The following MCOLN2 variants were observed in gnomAD, a reference collection of about 807,000 sequenced individuals.
MCOLN2 encodes the protein mucolipin TRP cation channel 2.
Under a neutral mutation model 67.5 loss-of-function variants are expected in MCOLN2, and 57 were observed. That is an observed-to-expected ratio of 0.84 (90% CI 0.68 to 1.05). The LOEUF is 1.05. MCOLN2 is among the 50% of genes least tolerant of loss of function. MCOLN2 has a pLI of 0.00. For synonymous variants in MCOLN2, 246 were observed against 233.3 expected (o/e 1.05, Z -0.50); for missense variants, 620 against 678.8 (o/e 0.91, Z 0.96).
At chr1:84,932,521 T>C (rs1452896207) in intron 11 of MCOLN2, among the ~76,000 whole-genome samples, 1 of 152,148 alleles carries the variant, frequency 6.6e-6, no homozygotes, top group Non-Finnish European at 1.5e-5. Flanking sequence ...CTGGCATTTG[T>C]TATATAACAG....
chr1:84,978,718 T>A (rs10873669), intron 1 of MCOLN2, among the ~76,000 whole-genome samples: 74,650 of 151,854 alleles, frequency 0.49, 18,579 homozygotes, highest in East Asian at 0.64. Flanking sequence ...TCTCCCAGCA[T>A]AGAAAAGCCC....
At position 84,938,026 on chromosome 1, in the gene MCOLN2, A is replaced by C. The variant is rs531436512; in HGVS notation, c.1167T>G (p.Val389=). The change falls in exon 10 of 14, where the codon GTT becomes GTG. Residue 389 remains valine, a synonymous_variant. Coordinates refer to ENST00000370608, the MANE Select transcript of MCOLN2 (RefSeq NM_153259.4). ...CCAGGTATCTGATGACTCCAACCCA[A>C]ACCAAGAGCGTAGAGGTTCCAAGAA... ...SIFLGTSTLL[V]WVGVIRYLGY... 3.7e-6 allele frequency: 6 copies of C among 1,614,090 alleles called. No homozygotes were observed. The South Asian group carries it at 5.5e-5, about 15-fold the overall frequency.
chr1:84,981,284 T>C (rs978552205), intron 1 of MCOLN2, among the ~76,000 whole-genome samples: 1 of 152,172 alleles, frequency 6.6e-6, no homozygotes, highest in Non-Finnish European at 1.5e-5. Flanking sequence ...TACCATATGA[T>C]CTAGCAATCC....
At position 84,929,684 on chromosome 1, in the gene MCOLN2, A is replaced by G. The variant is rs762342591; in HGVS notation, c.1543-5T>C. The G allele has an allele frequency of 5.6e-6, 9 of 1,612,410 alleles. No homozygotes were observed. The highest frequency in any genetic ancestry group is 7.6e-6 in the Non-Finnish European group (9 of 1,178,826). ...AAACCCATTCTGTTGGAATTTCTTT[A>G]GAAAGTACACAATGTTGTTACCTTA... On this transcript the variant is annotated splice_polypyrimidine_tract_variant and splice_region_variant and intron_variant, in intron 12 of 13. Transcript: ENST00000370608.
chr1:84,940,374 A>C (rs558084377), intron 8 of MCOLN2, among the ~76,000 whole-genome samples: 1 of 152,330 alleles, frequency 6.6e-6, no homozygotes, highest in East Asian at 1.9e-4. Context: ...GAGCGGAAGT[A>C]TATATTCATA....
chr1:84,988,764 A>T (rs55721024), intron 1 of MCOLN2, among the ~76,000 whole-genome samples: 1 of 152,030 alleles, frequency 6.6e-6, no homozygotes, highest in African/African-American at 2.4e-5. Flanking sequence ...CTTCTCTCAG[A>T]GTAAAATCCA....
intron 1 of MCOLN2, among the ~76,000 whole-genome samples, chr1:84,989,277 T>C (rs931770651): frequency 2.0e-5 from 3 of 152,094 alleles, no homozygotes; most frequent in African/African-American, 7.2e-5. Flanking sequence ...CAAATAATAA[T>C]AACAACAATA....
At chr1:84,931,276 T>G in intron 12 of MCOLN2, 86 bp downstream of exon 12, 1 of 880,470 alleles carries the variant, frequency 1.1e-6, no homozygotes. Context: ...ACTGTAATAT[T>G]TTAAGTTTTT....
intron 7 of MCOLN2, among the ~76,000 whole-genome samples, chr1:84,944,852 A>C (rs1648003323): frequency 6.6e-6 from 1 of 152,194 alleles, no homozygotes; most frequent in Non-Finnish European, 1.5e-5. Flanking sequence ...TAAGTGTCCC[A>C]CCAGATGTCG....
chr1:84,970,520 A>C (rs1343357798), intron 1 of MCOLN2, among the ~76,000 whole-genome samples: 3 of 151,744 alleles, frequency 2.0e-5, no homozygotes, highest in Admixed American at 2.0e-4. Flanking sequence ...AAATACAAAA[A>C]AAAAAAAAAA....
intron 2 of MCOLN2, among the ~76,000 whole-genome samples, chr1:84,964,271 G>T (rs1262472782): frequency 6.6e-6 from 1 of 152,096 alleles, no homozygotes; most frequent in Non-Finnish European, 1.5e-5. Flanking sequence ...TCTAGTTATG[G>T]CAGGGACCGT....
intron 1 of MCOLN2, among the ~76,000 whole-genome samples, chr1:84,986,771 T>C (rs1650529650): frequency 6.6e-6 from 1 of 151,764 alleles, no homozygotes; most frequent in Admixed American, 6.6e-5. Context: ...CCAACAGACA[T>C]ACGAAAAAAT....
intron 12 of MCOLN2, among the ~76,000 whole-genome samples, chr1:84,930,319 G>A (rs989542382): frequency 6.6e-6 from 1 of 151,576 alleles, no homozygotes; most frequent in African/African-American, 2.4e-5. Flanking sequence ...GACTAGATGA[G>A]ACCTCCCACT....
At chr1:84,989,722 C>A (rs1337673144) in intron 1 of MCOLN2, among the ~76,000 whole-genome samples, 2 of 151,698 alleles carry the variant, frequency 1.3e-5, no homozygotes, top group Non-Finnish European at 2.9e-5. Context: ...AGTTAAAAGA[C>A]AAAGAGATTT....
Position 84,954,949 on chromosome 1 carries a change from G to A in MCOLN2, c.565+1482C>T, listed in dbSNP as rs1433284797. ...CAAGAATAACTAAGAGGGTGATATG[G>A]TTTGTCTGTGTCCCCAACCAAATCT... is the stretch of plus-strand genomic sequence containing the variant. On this transcript the variant is annotated intron_variant, in intron 4 of 13. Transcript: ENST00000370608. Among the ~76,000 whole-genome samples the A allele has an allele frequency of 2.6e-5, 4 of 152,154 alleles. No homozygotes were observed. In the East Asian group the frequency reaches 5.8e-4, roughly 22 times the overall value.
intron 6 of MCOLN2, among the ~76,000 whole-genome samples, chr1:84,951,730 A>G (rs1310337721): frequency 1.3e-5 from 2 of 152,242 alleles, no homozygotes; most frequent in Admixed American, 6.5e-5. Flanking sequence ...TTAAAAGTTG[A>G]AAAGGGTTTG....
At chr1:84,952,580 G>C (rs1402366435) in intron 4 of MCOLN2, 50 bp from the exon 5 acceptor site, 2 of 1,181,702 alleles carry the variant, frequency 1.7e-6, no homozygotes, top group Middle Eastern at 3.9e-4. Context: ...AGAATTAGGT[G>C]CTAAAACTAA....
chr1:84,997,102 G>A lies in MCOLN2; in HGVS notation c.-230C>T. 1.8e-6 allele frequency: 1 copy of A among 564,298 alleles called. No individual in the cohort carries two copies. The highest frequency in any genetic ancestry group is 3.1e-6 in the Non-Finnish European group (1 of 318,768). 35.0% of individuals were successfully genotyped at this position (564,298 alleles called of 1,614,324 possible). A position where few individuals can be genotyped will look rare whatever the true frequency, so the allele number is the denominator to read the frequency against. ...CGGGCAGTTCTCGGGCGGCTGAAAGGCGGCTCTGTGTGCACCCTGCAGGAT... is the reference window on the plus strand; with the variant it reads ...CGGGCAGTTCTCGGGCGGCTGAAAGACGGCTCTGTGTGCACCCTGCAGGAT... On this transcript the variant is annotated 5_prime_UTR_variant, in exon 1 of 14. Transcript: ENST00000370608.
intron 4 of MCOLN2, among the ~76,000 whole-genome samples, chr1:84,953,568 AT>A (rs202064801): frequency 0.036 from 5,222 of 144,854 alleles, 165 homozygotes; most frequent in East Asian, 0.2. Flanking sequence ...AAAAAAAAAA[AT>A]GTTAGTATTG....
Sources: gnomAD v4.1 joint callset for allele counts (sites outside exome capture counted in the v4.1 genomes callset) on GRCh38, gnomAD v4.1.1 for gene constraint, MANE v1.5 for transcripts, NCBI Gene and HGNC (gene_info 2026-07-23, HGNC 2026-07-21) for gene names.